ELMO1: variants seen among roughly 807,000 people sequenced by gnomAD.
ELMO1 encodes engulfment and cell motility protein 1.
Under a neutral mutation model 98.9 loss-of-function variants are expected in ELMO1, and 26 were observed. The observed-to-expected ratio is 0.26, with a 90% CI of 0.19 to 0.36. ELMO1 has a LOEUF of 0.36. Among genes scored for constraint, ELMO1 ranks in the 10% least tolerant of loss-of-function variants. The pLI is 1.00. For missense variants in ELMO1, 627 were observed against 935.2 expected (o/e 0.67, Z 4.30); for synonymous variants, 346 against 346.0 (o/e 1.00, Z 0.00).
intron 10 of ELMO1, among the ~76,000 whole-genome samples, chr7:37,221,423 T>C (rs1384574201): frequency 2.6e-5 from 4 of 152,218 alleles, no homozygotes; most frequent in Admixed American, 1.3e-4. Context: ...CTCCCCAGCA[T>C]AGTTTCTAGG....
intron 17 of ELMO1, among the ~76,000 whole-genome samples, chr7:36,892,378 G>T (rs1035391646): frequency 2.6e-5 from 4 of 152,158 alleles, no homozygotes; most frequent in African/African-American, 7.2e-5. Context: ...GCTTGGGTTA[G>T]ATCCAACTCC....
intron 18 of ELMO1, among the ~76,000 whole-genome samples, chr7:36,882,184 C>T (rs1257633372): frequency 6.6e-6 from 1 of 152,198 alleles, no homozygotes; most frequent in Non-Finnish European, 1.5e-5. Context: ...CCCTAAGAGT[C>T]CTGTATTAGG....
intron 16 of ELMO1, among the ~76,000 whole-genome samples, chr7:36,942,136 T>A (rs1251303034): frequency 6.6e-6 from 1 of 152,198 alleles, no homozygotes; most frequent in Non-Finnish European, 1.5e-5. Flanking sequence ...CACAGACAAT[T>A]TTTTTCAAGG....
chr7:37,224,739 G>A (rs919857390), intron 9 of ELMO1, 140 bp downstream of exon 9: 24 of 1,227,648 alleles, frequency 2.0e-5, no homozygotes, highest in Non-Finnish European at 2.4e-5. Flanking sequence ...AGTGTGACAC[G>A]TGGTTTGGTT....
intron 14 of ELMO1, among the ~76,000 whole-genome samples, chr7:37,101,858 G>A (rs1784663993): frequency 6.6e-6 from 1 of 152,094 alleles, no homozygotes; most frequent in East Asian, 1.9e-4. Flanking sequence ...CACAACCGCA[G>A]AAAACAAGTC....
At chr7:37,039,143 G>C (rs985204215) in intron 15 of ELMO1, among the ~76,000 whole-genome samples, 1 of 152,006 alleles carries the variant, frequency 6.6e-6, no homozygotes, top group African/African-American at 2.4e-5. Flanking sequence ...AAAAAAAAAA[G>C]ATTTAGTTTG....
intron 13 of ELMO1, among the ~76,000 whole-genome samples, chr7:37,163,322 G>GT (rs1188323743): frequency 2.2e-5 from 3 of 134,030 alleles, no homozygotes; most frequent in Admixed American, 1.7e-4. Context: ...GTATTATAGG[G>GT]TATAAGCCAG....
chr7:36,882,375 G>A (rs926669784), intron 18 of ELMO1, among the ~76,000 whole-genome samples: 1 of 152,168 alleles, frequency 6.6e-6, no homozygotes, highest in Non-Finnish European at 1.5e-5. Flanking sequence ...GTGTTTAAAG[G>A]GAAATGTCAT....
At chr7:37,335,134 T>C (rs11983747) in intron 2 of ELMO1, among the ~76,000 whole-genome samples, 1,767 of 151,930 alleles carry the variant, frequency 0.012, 35 homozygotes, top group African/African-American at 0.04. Flanking sequence ...ACGTGTGAAA[T>C]ATATTAACTG....
At chr7:37,348,291 A>AT (rs1267639981) in intron 1 of ELMO1, among the ~76,000 whole-genome samples, 1 of 152,176 alleles carries the variant, frequency 6.6e-6, no homozygotes, top group Admixed American at 6.5e-5. Context: ...ACAAACTAAA[A>AT]TTTAAGAACC....
chr7:37,124,994 T>C (rs201639693), intron 14 of ELMO1, among the ~76,000 whole-genome samples: 9 of 152,148 alleles, frequency 5.9e-5, no homozygotes, highest in Admixed American at 2.6e-4. Flanking sequence ...CTTCTACAAC[T>C]ATCTGATCTT....
chr7:37,229,493 G>C (rs1367984037), intron 8 of ELMO1, among the ~76,000 whole-genome samples: 1 of 151,940 alleles, frequency 6.6e-6, no homozygotes, highest in Non-Finnish European at 1.5e-5. Flanking sequence ...AGGAGACAGA[G>C]GCTGGCAGGG....
intron 1 of ELMO1, among the ~76,000 whole-genome samples, chr7:37,425,283 G>C (rs1197690877): frequency 6.6e-6 from 1 of 152,188 alleles, no homozygotes; most frequent in Non-Finnish European, 1.5e-5. Context: ...GAGCAGCAGA[G>C]AGCTCTCTTG....
At chr7:37,077,382 C>T (rs1164244090) in intron 15 of ELMO1, among the ~76,000 whole-genome samples, 1 of 152,016 alleles carries the variant, frequency 6.6e-6, no homozygotes, top group Non-Finnish European at 1.5e-5. Context: ...GGGCCATGGC[C>T]CAGGGTGAAG....
Position 36,860,141 on chromosome 7 carries a change from G to A in ELMO1, c.1983+1518C>T, listed in dbSNP as rs148327699. Among the ~76,000 whole-genome samples, 103 of 152,266 alleles carry A rather than the reference G, an allele frequency of 6.8e-4. 1 individual carries two copies. The East Asian group carries it at 0.019, about 28-fold the overall frequency. ...TCCACATAACATACAAAATGTGTGT[G>A]AATCAACTGCTTATGCTATGGGGAA... On this transcript the variant is annotated intron_variant, in intron 21 of 21. Transcript: ENST00000310758.
intron 17 of ELMO1, among the ~76,000 whole-genome samples, chr7:36,887,892 A>C (rs1805175476): frequency 6.6e-6 from 1 of 152,180 alleles, no homozygotes; most frequent in African/African-American, 2.4e-5. Flanking sequence ...GAATTCCACA[A>C]AAGAACCAGC....
chr7:37,289,980 A>G (rs971302564), intron 4 of ELMO1, among the ~76,000 whole-genome samples: 4 of 152,226 alleles, frequency 2.6e-5, no homozygotes, highest in African/African-American at 9.6e-5. Flanking sequence ...ATCTGTTGGG[A>G]GGGACTAATG....
Position 37,006,318 on chromosome 7 carries a change from C to T in ELMO1, c.1437+6981G>A, listed in dbSNP as rs906941059. 2.0e-5 allele frequency among the ~76,000 whole-genome samples: 3 copies of T among 152,212 alleles called. No homozygotes were observed. The South Asian group carries it at 6.2e-4, about 32-fold the overall frequency. On this transcript the variant is annotated intron_variant, in intron 16 of 21. Transcript: ENST00000310758. ...TTTTGCCTGTTGAGATTAGGACCTCCTATTTGTATAGGACAATTTGCAAAG... is the reference window on the plus strand; with the variant it reads ...TTTTGCCTGTTGAGATTAGGACCTCTTATTTGTATAGGACAATTTGCAAAG...
At chr7:37,169,127 T>C (rs537964037) in intron 13 of ELMO1, among the ~76,000 whole-genome samples, 42 of 152,226 alleles carry the variant, frequency 2.8e-4, no homozygotes, top group African/African-American at 8.7e-4. Flanking sequence ...ACTCCGTGGG[T>C]GTAGGACCCT....
Sources: allele counts gnomAD v4.1 joint callset (sites outside exome capture counted in the v4.1 genomes callset), GRCh38; gene constraint gnomAD v4.1.1; transcripts MANE v1.5; gene names NCBI Gene and HGNC (gene_info 2026-07-23, HGNC 2026-07-21).